ERC2: variants seen among roughly 807,000 people sequenced by gnomAD.
The protein encoded by ERC2 is ERC protein 2.
ERC2 carries 42 observed loss-of-function variants against 114.8 expected under a neutral mutation model. The ratio of observed to expected loss-of-function variants is 0.37; its 90% confidence interval spans 0.29 to 0.47. The LOEUF is 0.47. Ranked by LOEUF, ERC2 falls within the 20% of genes least tolerant of loss-of-function variation. The pLI, the probability that ERC2 is intolerant of heterozygous loss-of-function variation, is 0.99. For missense variants in ERC2, 939 were observed against 1,150.7 expected, an observed-to-expected ratio of 0.82 and a Z score of 2.66; for synonymous variants, 454 against 425.5, an observed-to-expected ratio of 1.07 and a Z score of -0.82.
At chr3:56,319,957 T>G (rs1401356814) in intron 2 of ERC2, among the ~76,000 whole-genome samples, 1 of 152,128 alleles carries the variant, frequency 6.6e-6, no homozygotes, top group Non-Finnish European at 1.5e-5. Flanking sequence ...AGCAAATGTG[T>G]TACAGCAGGG....
chr3:56,099,128 C>A, intron 6 of ERC2, among the ~76,000 whole-genome samples: 1 of 152,246 alleles, frequency 6.6e-6, no homozygotes, highest in South Asian at 2.1e-4. Flanking sequence ...TAGAAGGCCA[C>A]GTGAGGACAA....
In ERC2 at chr3:55,801,591, A is replaced by G. The variant is rs143491221; in HGVS notation, c.2565-66673T>C. Among the ~76,000 whole-genome samples, 321 of 152,314 alleles carry G rather than the reference A, an allele frequency of 2.1e-3. 1 individual carries two copies. Among genetic ancestry groups the G allele is most frequent in the African/African-American group, 7.4e-3 (308 of 41,566 alleles). On this transcript the variant is annotated intron_variant, in intron 14 of 17. Coordinates refer to ENST00000288221, the MANE Select transcript of ERC2 (RefSeq NM_015576.3). The stretch of plus-strand genomic sequence containing the variant: ...ATTTGAATCATTTGAATGGGTATGA[A>G]TTTATAATCAAATGACCAACTGACC...
chr3:55,919,829 C>A (rs2065312301), intron 13 of ERC2, among the ~76,000 whole-genome samples: 1 of 152,030 alleles, frequency 6.6e-6, no homozygotes, highest in Non-Finnish European at 1.5e-5. Flanking sequence ...GCATTTTAGG[C>A]AAAGGGAATT....
At chr3:55,607,422 CG>C (rs2058686807) in intron 17 of ERC2, among the ~76,000 whole-genome samples, 2 of 151,986 alleles carry the variant, frequency 1.3e-5, no homozygotes, top group African/African-American at 4.8e-5. Flanking sequence ...TTGGCTGGTC[CG>C]AAGGGCTGAA....
chr3:55,643,845 A>G (rs1345894605), intron 17 of ERC2, among the ~76,000 whole-genome samples: 1 of 152,134 alleles, frequency 6.6e-6, no homozygotes, highest in Non-Finnish European at 1.5e-5. Flanking sequence ...TACTATTCAG[A>G]CTCTGAATTA....
chr3:55,517,195 C>G (rs181763568), intron 17 of ERC2, among the ~76,000 whole-genome samples: 10 of 152,266 alleles, frequency 6.6e-5, no homozygotes, highest in African/African-American at 2.4e-4. Flanking sequence ...AACCTCAGCA[C>G]TTCGGGAGGC....
chr3:56,331,237 C>G (rs1190799490), intron 2 of ERC2, among the ~76,000 whole-genome samples: 1 of 152,090 alleles, frequency 6.6e-6, no homozygotes, highest in Non-Finnish European at 1.5e-5. Context: ...AGTTCTTCAT[C>G]CCTGCCCTTT....
intron 13 of ERC2, among the ~76,000 whole-genome samples, chr3:55,925,896 CACATGTGTGTCTGTGTGTTTTACA>C (rs758715104): frequency 7.2e-5 from 11 of 152,240 alleles, no homozygotes; most frequent in Non-Finnish European, 1.6e-4. Context: ...AAATGTATAT[CACATGTGTGTCTGTGTGTTTTACA>C]ACCAGGCCAT....
intron 6 of ERC2, among the ~76,000 whole-genome samples, chr3:56,133,766 A>G (rs1389230863): frequency 6.6e-6 from 1 of 152,230 alleles, no homozygotes; most frequent in South Asian, 2.1e-4. Context: ...CTCAGTAATA[A>G]AATTACATTT....
chr3:56,118,156 A>C (rs1047306919), intron 6 of ERC2, among the ~76,000 whole-genome samples: 4 of 152,228 alleles, frequency 2.6e-5, no homozygotes, highest in Non-Finnish European at 4.4e-5. Context: ...CAAGTTACTC[A>C]GCTTCCTCAT....
chr3:56,108,828 G>A lies in ERC2; in HGVS notation c.1474-27844C>T, dbSNP rs1435199988. On this transcript the variant is annotated intron_variant, in intron 6 of 17. Transcript: ENST00000288221. ...TCCAGAACATAAAGTAGGAGAGCCT[G>A]CTGTAGGATACAAGATTAATAATCA... Among the ~76,000 whole-genome samples, 4 of 152,244 alleles carry A rather than the reference G, an allele frequency of 2.6e-5. No homozygotes were observed. In the South Asian group the frequency reaches 8.3e-4, roughly 32 times the overall value.
At chr3:56,123,729 T>G (rs1265110368) in intron 6 of ERC2, among the ~76,000 whole-genome samples, 1 of 152,164 alleles carries the variant, frequency 6.6e-6, no homozygotes. Flanking sequence ...CATCCACCCC[T>G]TTGCTTAAAT....
chr3:55,608,466 T>C (rs1017018011), intron 17 of ERC2, among the ~76,000 whole-genome samples: 5 of 152,174 alleles, frequency 3.3e-5, no homozygotes, highest in Non-Finnish European at 7.3e-5. Context: ...CACTGCTCAT[T>C]AACTTCAGAT....
At chr3:56,388,627 G>C (rs1486937468) in intron 2 of ERC2, among the ~76,000 whole-genome samples, 1 of 152,098 alleles carries the variant, frequency 6.6e-6, no homozygotes, top group Non-Finnish European at 1.5e-5. Context: ...ACTTCCAATG[G>C]TTACTTCAAA....
chr3:55,910,482 A>C (rs2064738318), intron 13 of ERC2, among the ~76,000 whole-genome samples: 1 of 152,238 alleles, frequency 6.6e-6, no homozygotes, highest in Admixed American at 6.5e-5. Context: ...GTATATATGT[A>C]GACATATAAA....
chr3:56,412,838 TC>T (rs1330474299), intron 2 of ERC2, among the ~76,000 whole-genome samples: 1 of 152,204 alleles, frequency 6.6e-6, no homozygotes, highest in Non-Finnish European at 1.5e-5. Flanking sequence ...TATTCTAATA[TC>T]TACTTAATTA....
chr3:56,326,108 A>G (rs996000049), intron 2 of ERC2, among the ~76,000 whole-genome samples: 8 of 152,232 alleles, frequency 5.3e-5, no homozygotes, highest in African/African-American at 1.9e-4. Context: ...TGGCTGGGCC[A>G]TCAGATGCCT....
intron 12 of ERC2, among the ~76,000 whole-genome samples, chr3:55,960,832 C>T (rs1463996097): frequency 1.3e-5 from 2 of 151,750 alleles, no homozygotes; most frequent in African/African-American, 2.4e-5. Flanking sequence ...TCTCCACTGC[C>T]TGTAAAACCA....
chr3:56,246,457 C>T (rs543105008), intron 3 of ERC2, among the ~76,000 whole-genome samples: 71 of 152,186 alleles, frequency 4.7e-4, no homozygotes, highest in African/African-American at 1.6e-3. Flanking sequence ...CTGTTCTAAA[C>T]TTTTTAGTTT....
Sources: gnomAD v4.1 joint callset for allele counts (sites outside exome capture counted in the v4.1 genomes callset) on GRCh38, gnomAD v4.1.1 for gene constraint, MANE v1.5 for transcripts, NCBI Gene and HGNC (gene_info 2026-07-23, HGNC 2026-07-21) for gene names.